The following RABEPK variants were observed in gnomAD, a reference collection of about 807,000 sequenced individuals.
RABEPK encodes the protein Rab9 effector protein with kelch motifs.
Under a neutral mutation model 34.1 loss-of-function variants are expected in RABEPK, and 27 were observed. The ratio of observed to expected loss-of-function variants is 0.79; its 90% confidence interval spans 0.58 to 1.09. The LOEUF is 1.09. Among genes scored for constraint, RABEPK ranks in the 50% least tolerant of loss-of-function variants. The pLI, the probability that RABEPK is intolerant of heterozygous loss-of-function variation, is 0.00. For synonymous variants in RABEPK, 172 were observed against 169.2 expected, an observed-to-expected ratio of 1.02 and a Z score of -0.13; for missense variants, 449 against 462.6, an observed-to-expected ratio of 0.97 and a Z score of 0.27.
At chr9:125,204,798 T>C (rs1214045298) in intron 2 of RABEPK, among the ~76,000 whole-genome samples, 1 of 152,156 alleles carries the variant, frequency 6.6e-6, no homozygotes, top group Non-Finnish European at 1.5e-5. Flanking sequence ...TCCCTCCACT[T>C]TTTGTCCCTC....
At chr9:125,217,777 G>A (rs1449389367) in intron 4 of RABEPK, among the ~76,000 whole-genome samples, 1 of 152,126 alleles carries the variant, frequency 6.6e-6, no homozygotes, top group Non-Finnish European at 1.5e-5. Flanking sequence ...GGGCCTGGAG[G>A]TGACATGTAT....
chr9:125,233,895 C>G lies in RABEPK; in HGVS notation c.1034C>G (p.Thr345Ser), dbSNP rs1251288080. 2 of 1,613,232 alleles carry G rather than the reference C, an allele frequency of 1.2e-6. No individual in the cohort carries two copies. Among genetic ancestry groups the G allele is most frequent in the Non-Finnish European group, 1.7e-6 (2 of 1,179,328 alleles). The change falls in exon 8 of 8, where the codon ACT becomes AGT. Residue 345 changes from threonine (T) to serine (S), a missense_variant. Thr to Ser is a moderately conservative substitution (Grantham distance 58). Coordinates refer to ENST00000373538, the MANE Select transcript of RABEPK (RefSeq NM_005833.4). Reference sequence around the variant, plus strand: ...GGTGACTCACATGAGGAAAGCCAGACTGCTACACTGCTCTGTTTGGTGTTT... The same window carrying G: ...GGTGACTCACATGAGGAAAGCCAGAGTGCTACACTGCTCTGTTTGGTGTTT... ...HSGDSHEESQ[T>S]ATLLCLVFGG...
intron 5 of RABEPK, among the ~76,000 whole-genome samples, chr9:125,224,707 G>T (rs927507637): frequency 1.1e-4 from 16 of 152,034 alleles, no homozygotes; most frequent in African/African-American, 3.9e-4. Flanking sequence ...GCCCATCTTG[G>T]CCTCCCAAAG....
At chr9:125,233,289 T>A (rs1305529380) in intron 7 of RABEPK, among the ~76,000 whole-genome samples, 1 of 151,122 alleles carries the variant, frequency 6.6e-6, no homozygotes. Flanking sequence ...CATTACTTTT[T>A]AAATTTTATT....
intron 6 of RABEPK, among the ~76,000 whole-genome samples, chr9:125,230,594 GGT>G (rs1832096874): frequency 1.3e-5 from 2 of 149,996 alleles, no homozygotes; most frequent in African/African-American, 4.9e-5. Flanking sequence ...GGAGTGCAGT[GGT>G]GCAATCTTGG....
intron 3 of RABEPK, among the ~76,000 whole-genome samples, chr9:125,210,464 A>G (rs1226921147): frequency 6.6e-6 from 1 of 150,528 alleles, no homozygotes; most frequent in Non-Finnish European, 1.5e-5. Flanking sequence ...TCACGCCTGT[A>G]ATCCCAGCAC....
At chr9:125,207,489 C>G in intron 2 of RABEPK, 75 bp from the exon 3 acceptor site, 1 of 1,462,028 alleles carries the variant, frequency 6.8e-7, no homozygotes, top group Non-Finnish European at 9.5e-7. Flanking sequence ...GTGAATATTT[C>G]ATGAGGAATG....
At chr9:125,217,306 GGCC>G (rs1215800990) in intron 4 of RABEPK, among the ~76,000 whole-genome samples, 1 of 152,124 alleles carries the variant, frequency 6.6e-6, no homozygotes, top group African/African-American at 2.4e-5. Flanking sequence ...CTGGAACCCT[GGCC>G]TTTTGATTTT....
At chr9:125,228,921 C>T (rs1470379170) in intron 6 of RABEPK, among the ~76,000 whole-genome samples, 2 of 151,052 alleles carry the variant, frequency 1.3e-5, no homozygotes, top group Admixed American at 6.6e-5. Flanking sequence ...CGAGACCACA[C>T]CATTGCACTC....
chr9:125,222,525 C>T (rs1216643472), intron 5 of RABEPK: 2 of 151,370 alleles, frequency 1.3e-5, no homozygotes, highest in African/African-American at 4.9e-5. Context: ...GCAGCCTGAC[C>T]AACATAGTGA....
At chr9:125,232,332 T>G (rs1265883101) in intron 6 of RABEPK, among the ~76,000 whole-genome samples, 1 of 152,148 alleles carries the variant, frequency 6.6e-6, no homozygotes, top group Non-Finnish European at 1.5e-5. Flanking sequence ...TTATAAAGGT[T>G]GTATCACATT....
chr9:125,212,540 G>A (rs769027932), intron 3 of RABEPK, among the ~76,000 whole-genome samples: 2 of 151,842 alleles, frequency 1.3e-5, no homozygotes, highest in Admixed American at 6.6e-5. Context: ...TTACTATTCT[G>A]TGAACTTGTC....
intron 5 of RABEPK, chr9:125,222,343 T>C (rs1831397051): frequency 6.6e-6 from 1 of 152,076 alleles, no homozygotes; most frequent in Non-Finnish European, 1.5e-5. Flanking sequence ...TGTGTGTACA[T>C]GTGTATGTAC....
At chr9:125,210,542 A>C (rs1489850243) in intron 3 of RABEPK, among the ~76,000 whole-genome samples, 2 of 151,670 alleles carry the variant, frequency 1.3e-5, no homozygotes, top group Non-Finnish European at 2.9e-5. Context: ...ACATGGTGAA[A>C]CCCTGTCTCT....
At position 125,213,481 on chromosome 9, in the gene RABEPK, A is replaced by G. The variant is rs766560278; in HGVS notation, c.323A>G (p.Asn108Ser). Residue 108 changes from asparagine (N) to serine (S), a missense_variant, in exon 4 of 8, where the codon AAC (asparagine) becomes AGC (serine). Asn to Ser is a conservative substitution (Grantham distance 46). Coordinates refer to ENST00000373538, the MANE Select transcript of RABEPK (RefSeq NM_005833.4). ...CGTATCTGGGTATTTGGAGGTGCCA[A>G]CCAATCAGGAAATCGAAATTGTCTA... Reference protein sequence around the residue: ...PDRIWVFGGANQSGNRNCLQV... With the variant: ...PDRIWVFGGASQSGNRNCLQV... 8.1e-6 allele frequency: 13 copies of G among 1,614,046 alleles called. No homozygotes were observed. The Admixed American group carries it at 1.7e-4, about 21-fold the overall frequency.
intron 2 of RABEPK, among the ~76,000 whole-genome samples, chr9:125,206,366 T>C (rs962995924): frequency 4.6e-5 from 7 of 151,698 alleles, no homozygotes; most frequent in African/African-American, 1.7e-4. Context: ...GGCATGGTGG[T>C]GCGCGCCTGT....
At chr9:125,218,715 GTC>G (rs369535263) in intron 4 of RABEPK, among the ~76,000 whole-genome samples, 10 of 150,862 alleles carry the variant, frequency 6.6e-5, no homozygotes, top group East Asian at 1.9e-4. Flanking sequence ...CACTTTATCT[GTC>G]TCTCTCTCTC....
intron 5 of RABEPK, among the ~76,000 whole-genome samples, chr9:125,222,713 C>CA (rs756826019): frequency 0.17 from 8,034 of 46,620 alleles, 662 homozygotes; most frequent in Admixed American, 0.25. Flanking sequence ...GACTCTGTAT[C>CA]AAAAAAAAAA....
At chr9:125,213,011 C>T (rs534998678) in intron 3 of RABEPK, among the ~76,000 whole-genome samples, 1 of 152,152 alleles carries the variant, frequency 6.6e-6, no homozygotes, top group Non-Finnish European at 1.5e-5. Flanking sequence ...GAAGTAGAGC[C>T]CAGGATCATG....
Sources: allele counts gnomAD v4.1 joint callset (sites outside exome capture counted in the v4.1 genomes callset), GRCh38; gene constraint gnomAD v4.1.1; transcripts MANE v1.5; gene names NCBI Gene and HGNC (gene_info 2026-07-23, HGNC 2026-07-21).